EGFR: variants seen among roughly 807,000 people sequenced by gnomAD.
The protein encoded by EGFR is epidermal growth factor receptor.
In EGFR, 58 loss-of-function variants were observed where a neutral mutation model predicts 143.0. The observed-to-expected ratio is 0.41, with a 90% CI of 0.33 to 0.50. EGFR has a LOEUF of 0.50. Among genes scored for constraint, EGFR ranks in the 20% least tolerant of loss-of-function variants. The pLI is 0.39. For missense variants in EGFR, 1,307 were observed against 1,579.0 expected, an observed-to-expected ratio of 0.83 and a Z score of 2.92; for synonymous variants, 613 against 594.4, an observed-to-expected ratio of 1.03 and a Z score of -0.45.
chr7:55,164,685 TTTCTGCTAC>T (rs1189669737), intron 14 of EGFR, among the ~76,000 whole-genome samples: 3 of 152,248 alleles, frequency 2.0e-5, no homozygotes, highest in African/African-American at 7.2e-5. Flanking sequence ...GCTGGTTTTA[TTTCTGCTAC>T]TTCTGAAGTG....
chr7:55,165,497 A>C (rs2128946686), intron 15 of EGFR, 60 bp downstream of exon 15: 1 of 1,562,130 alleles, frequency 6.4e-7, no homozygotes, highest in Non-Finnish European at 8.7e-7. Flanking sequence ...GAGATCAAAA[A>C]TGTCTCCCAA....
At chr7:55,093,343 T>G (rs1305083764) in intron 1 of EGFR, among the ~76,000 whole-genome samples, 1 of 152,200 alleles carries the variant, frequency 6.6e-6, no homozygotes, top group African/African-American at 2.4e-5. Flanking sequence ...GGAATTGCTT[T>G]TGTGTTGGGA....
intron 1 of EGFR, among the ~76,000 whole-genome samples, chr7:55,082,968 A>G (rs1014552485): frequency 6.6e-6 from 1 of 152,118 alleles, no homozygotes; most frequent in Non-Finnish European, 1.5e-5. Context: ...CTATCCTCAC[A>G]GTGAGTTCTC....
chr7:55,160,132 A>G lies in EGFR; in HGVS notation c.1299-7A>G, dbSNP rs75911944. The stretch of plus-strand genomic sequence containing the variant: ...TCACCACATGATTTTTCTTCTCTCC[A>G]ATGTAGTGGTCAGTTTTCTCTTGCA... On this transcript the variant is annotated splice_region_variant and splice_polypyrimidine_tract_variant and intron_variant, in intron 11 of 27. Transcript: ENST00000275493. 1.2e-3 allele frequency: 1,953 copies of G among 1,614,010 alleles called. 19 individuals are homozygous for G. The African/African-American group carries it at 0.021, about 18-fold the overall frequency.
At chr7:55,101,973 CTG>C (rs1438245202) in intron 1 of EGFR, among the ~76,000 whole-genome samples, 1 of 152,174 alleles carries the variant, frequency 6.6e-6, no homozygotes, top group East Asian at 1.9e-4. Flanking sequence ...TCGGGAAACT[CTG>C]TATCGAAGCT....
chr7:55,098,176 G>T (rs1208792797), intron 1 of EGFR, among the ~76,000 whole-genome samples: 1 of 152,034 alleles, frequency 6.6e-6, no homozygotes, highest in Non-Finnish European at 1.5e-5. Context: ...ATAAAGACAG[G>T]GAAAAAATGA....
intron 1 of EGFR, among the ~76,000 whole-genome samples, chr7:55,110,513 A>G (rs566187858): frequency 1.0e-3 from 153 of 152,330 alleles, no homozygotes; most frequent in Non-Finnish European, 1.8e-3. Context: ...ACTGACCCCG[A>G]TGATTTATAG....
intron 1 of EGFR, among the ~76,000 whole-genome samples, chr7:55,098,735 T>G (rs1562712518): frequency 6.6e-6 from 1 of 152,222 alleles, no homozygotes; most frequent in Non-Finnish European, 1.5e-5. Flanking sequence ...AAACAGATAG[T>G]AAGAACAGGC....
chr7:55,119,694 G>A (rs983270267), intron 1 of EGFR, among the ~76,000 whole-genome samples: 12 of 152,174 alleles, frequency 7.9e-5, no homozygotes, highest in East Asian at 1.9e-4. Context: ...TTGACAATAC[G>A]GTCCTATGCT....
intron 1 of EGFR, among the ~76,000 whole-genome samples, chr7:55,060,694 G>C (rs1306965581): frequency 6.6e-6 from 1 of 152,142 alleles, no homozygotes; most frequent in Non-Finnish European, 1.5e-5. Flanking sequence ...AACTGGCTTT[G>C]GATAGACCCA....
intron 1 of EGFR, among the ~76,000 whole-genome samples, chr7:55,111,520 T>A (rs1562723428): frequency 6.6e-6 from 1 of 152,166 alleles, no homozygotes; most frequent in Non-Finnish European, 1.5e-5. Context: ...TAGGGGGTTT[T>A]AAATTGCTCA....
intron 1 of EGFR, among the ~76,000 whole-genome samples, chr7:55,130,507 T>A (rs1161709976): frequency 1.3e-5 from 2 of 152,144 alleles, no homozygotes; most frequent in African/African-American, 4.8e-5. Context: ...AGGGAAAGCT[T>A]CACGCCCGCC....
chr7:55,100,515 G>A (rs942543955), intron 1 of EGFR, among the ~76,000 whole-genome samples: 2 of 152,348 alleles, frequency 1.3e-5, no homozygotes, highest in African/African-American at 2.4e-5. Context: ...CTTCCCCTAC[G>A]AGAGGTCTGT....
chr7:55,150,729 T>G (rs1041754630), intron 4 of EGFR, among the ~76,000 whole-genome samples: 1 of 152,220 alleles, frequency 6.6e-6, no homozygotes, highest in Non-Finnish European at 1.5e-5. Flanking sequence ...CTGCAAAAAT[T>G]GACCAGATAG....
chr7:55,115,634 A>G (rs1792793273), intron 1 of EGFR, among the ~76,000 whole-genome samples: 1 of 152,158 alleles, frequency 6.6e-6, no homozygotes, highest in Admixed American at 6.5e-5. Context: ...TCAGCTTCAC[A>G]TTCCCATCCA....
intron 1 of EGFR, among the ~76,000 whole-genome samples, chr7:55,044,913 A>G (rs968766970): frequency 3.9e-5 from 6 of 152,228 alleles, no homozygotes; most frequent in Non-Finnish European, 7.3e-5. Context: ...CTAAGAAAGA[A>G]GGCTGTGTTC....
intron 6 of EGFR, 122 bp from the exon 7 acceptor site, chr7:55,153,888 AC>A: frequency 6.9e-7 from 1 of 1,455,760 alleles, no homozygotes; most frequent in Admixed American, 1.7e-5. Context: ...CTAGTGGAAC[AC>A]TAGGCTGCAA....
intron 21 of EGFR, 82 bp downstream of exon 21, chr7:55,191,956 A>T (rs2128964902): frequency 6.3e-7 from 1 of 1,587,132 alleles, no homozygotes; most frequent in Non-Finnish European, 8.6e-7. Context: ...ATTGTTTAAC[A>T]CATGCAGGGG....
rs75417736 is a variant in EGFR, at chr7:55,061,282, C to T, written c.88+41917C>T. On this transcript the variant is annotated intron_variant, in intron 1 of 27. Transcript: ENST00000275493. ...TTCAGGTCCCAGCCCCGGGAAGGCTCCAGGCCTTCACAAACTGGCCCACCC... is the reference window on the plus strand; with the variant it reads ...TTCAGGTCCCAGCCCCGGGAAGGCTTCAGGCCTTCACAAACTGGCCCACCC... 6.2e-3 allele frequency among the ~76,000 whole-genome samples: 942 copies of T among 152,286 alleles called. 10 individuals are homozygous for T. The highest frequency in any genetic ancestry group is 0.021 in the African/African-American group (879 of 41,546).
Sources: gnomAD v4.1 joint callset for allele counts (sites outside exome capture counted in the v4.1 genomes callset) on GRCh38, gnomAD v4.1.1 for gene constraint, MANE v1.5 for transcripts, NCBI Gene and HGNC (gene_info 2026-07-23, HGNC 2026-07-21) for gene names.